Variants in CDH13 observed in about 807,000 individuals in gnomAD.
CDH13 encodes the protein cadherin 13.
CDH13 carries 24 observed loss-of-function variants against 63.8 expected under a neutral mutation model. That is an observed-to-expected ratio of 0.38 (90% CI 0.27 to 0.53). The LOEUF (loss-of-function observed/expected upper bound fraction) is 0.53, where lower values mean the gene tolerates loss of function less well. Among genes scored for constraint, CDH13 ranks in the 20% least tolerant of loss-of-function variants. The probability of loss-of-function intolerance (pLI) is 0.85; values close to 1 mark genes in which losing one functional copy is unlikely to be tolerated. For synonymous variants in CDH13, 503 were observed against 355.3 expected (o/e 1.42, Z -4.67); for missense variants, 1,049 against 903.1 (o/e 1.16, Z -2.07).
At chr16:83,398,942 T>C (rs1346786752) in intron 6 of CDH13, among the ~76,000 whole-genome samples, 3 of 152,226 alleles carry the variant, frequency 2.0e-5, no homozygotes, top group Non-Finnish European at 1.5e-5. Flanking sequence ...AATTTGGAAA[T>C]AGTCTTTATG....
chr16:83,433,799 G>T (rs547398864), intron 6 of CDH13, among the ~76,000 whole-genome samples: 53 of 152,318 alleles, frequency 3.5e-4, no homozygotes, highest in South Asian at 1.7e-3. Context: ...CAGCAGATAA[G>T]AGTGTTTAAA....
intron 2 of CDH13, among the ~76,000 whole-genome samples, chr16:82,881,354 G>A (rs952414293): frequency 6.6e-6 from 1 of 152,114 alleles, no homozygotes; most frequent in African/African-American, 2.4e-5. Flanking sequence ...GCTGTGGGAG[G>A]GAGGGGAAGA....
rs747229793 is a variant in CDH13, at chr16:83,054,801, AAG to A, written c.366+22586_366+22587del. Among the ~76,000 whole-genome samples, 9 of 152,314 alleles carry A rather than the reference AAG, an allele frequency of 5.9e-5. No homozygotes were observed. The East Asian group carries it at 7.7e-4, about 13-fold the overall frequency. Reference sequence around the variant, plus strand: ...TATAACAAGTAGTCTAAATATAAAAAAGAGTAATAAAAATTTCACTAAAATCT... The same window carrying A: ...TATAACAAGTAGTCTAAATATAAAAAAGTAATAAAAATTTCACTAAAATCT... On this transcript the variant is annotated intron_variant, in intron 3 of 13. Transcript: ENST00000567109.
intron 8 of CDH13, among the ~76,000 whole-genome samples, chr16:83,612,388 T>G (rs1908936620): frequency 6.6e-6 from 1 of 151,936 alleles, no homozygotes; most frequent in Admixed American, 6.6e-5. Flanking sequence ...TCTTTCTGAC[T>G]TTCTGTAATC....
At chr16:83,187,676 A>G (rs989453868) in intron 4 of CDH13, among the ~76,000 whole-genome samples, 10 of 152,188 alleles carry the variant, frequency 6.6e-5, no homozygotes, top group Non-Finnish European at 1.2e-4. Context: ...CTCCAGCTAC[A>G]TGATGAGGAC....
intron 5 of CDH13, among the ~76,000 whole-genome samples, chr16:83,294,186 T>TA (rs2089533047): frequency 6.6e-6 from 1 of 152,248 alleles, no homozygotes; most frequent in Non-Finnish European, 1.5e-5. Context: ...GTGGAATGAT[T>TA]AAATCTAGCT....
chr16:82,837,535 G>A (rs1210263651), intron 1 of CDH13, among the ~76,000 whole-genome samples: 1 of 152,134 alleles, frequency 6.6e-6, no homozygotes, highest in Non-Finnish European at 1.5e-5. Context: ...TATACAAAAT[G>A]AAATCAGCAA....
chr16:83,240,111 G>A lies in CDH13; in HGVS notation c.636+22614G>A, dbSNP rs62040370. Among the ~76,000 whole-genome samples, 571 of 152,256 alleles carry A rather than the reference G, an allele frequency of 3.8e-3. 4 individuals carry two copies. The highest frequency in any genetic ancestry group is 6.0e-3 in the Non-Finnish European group (411 of 68,030). ...GGCCCCAGAGTCTGACAAGCTCAAG[G>A]CAAATCCTATGGAAAGATTTTTTTC... On this transcript the variant is annotated intron_variant, in intron 5 of 13. Transcript: ENST00000567109.
chr16:83,557,860 G>C (rs189544328), intron 7 of CDH13, among the ~76,000 whole-genome samples: 1 of 152,090 alleles, frequency 6.6e-6, no homozygotes, highest in Non-Finnish European at 1.5e-5. Context: ...CACATGCTTC[G>C]ATCATTTTGA....
chr16:83,462,116 C>T (rs146382296), intron 6 of CDH13, among the ~76,000 whole-genome samples: 38 of 152,326 alleles, frequency 2.5e-4, no homozygotes, highest in African/African-American at 7.9e-4. Context: ...AAACATGGGG[C>T]AGTGCATGAC....
chr16:82,829,038 A>C (rs1282619952), intron 1 of CDH13, among the ~76,000 whole-genome samples: 3 of 152,144 alleles, frequency 2.0e-5, no homozygotes, highest in Admixed American at 1.3e-4. Context: ...AGGTGGACAC[A>C]TGGAATTCAT....
At chr16:82,794,754 T>G (rs891672997) in intron 1 of CDH13, among the ~76,000 whole-genome samples, 1 of 152,248 alleles carries the variant, frequency 6.6e-6, no homozygotes, top group African/African-American at 2.4e-5. Flanking sequence ...CAGTTTGAGC[T>G]GTTATAATGT....
At chr16:83,698,640 C>G (rs1196867849) in intron 10 of CDH13, among the ~76,000 whole-genome samples, 1 of 152,368 alleles carries the variant, frequency 6.6e-6, no homozygotes, top group South Asian at 2.1e-4. Context: ...TTAGCCCTAA[C>G]TGATCTTATG....
chr16:82,751,748 C>G (rs912113875), intron 1 of CDH13, among the ~76,000 whole-genome samples: 3 of 151,386 alleles, frequency 2.0e-5, no homozygotes, highest in African/African-American at 7.3e-5. Flanking sequence ...GACAAGAGAT[C>G]GCACGTTTTC....
At chr16:83,319,712 A>G (rs149790725) in intron 5 of CDH13, among the ~76,000 whole-genome samples, 2 of 152,248 alleles carry the variant, frequency 1.3e-5, no homozygotes, top group East Asian at 3.9e-4. Flanking sequence ...ACGGAGAAGG[A>G]AAAAAATATG....
At chr16:83,112,940 A>G (rs2035130649) in intron 3 of CDH13, among the ~76,000 whole-genome samples, 1 of 152,204 alleles carries the variant, frequency 6.6e-6, no homozygotes, top group Admixed American at 6.5e-5. Flanking sequence ...CTTATAAAGG[A>G]GGAAAACATG....
intron 3 of CDH13, among the ~76,000 whole-genome samples, chr16:83,097,691 G>C (rs2034276564): frequency 6.6e-6 from 1 of 152,176 alleles, no homozygotes; most frequent in African/African-American, 2.4e-5. Flanking sequence ...AGGTAAGACA[G>C]ATGCTATATA....
At chr16:83,089,823 G>A (rs531594746) in intron 3 of CDH13, among the ~76,000 whole-genome samples, 17 of 152,250 alleles carry the variant, frequency 1.1e-4, no homozygotes, top group East Asian at 3.9e-4. Context: ...AGATTTTCAC[G>A]TGCATACAGA....
intron 1 of CDH13, among the ~76,000 whole-genome samples, chr16:82,727,977 A>C (rs902345541): frequency 6.6e-6 from 1 of 152,098 alleles, no homozygotes; most frequent in Non-Finnish European, 1.5e-5. Context: ...AAAAGTTAGA[A>C]TCTTCCCTTC....
Sources: allele counts gnomAD v4.1 joint callset (sites outside exome capture counted in the v4.1 genomes callset), GRCh38; gene constraint gnomAD v4.1.1; transcripts MANE v1.5; gene names NCBI Gene and HGNC (gene_info 2026-07-23, HGNC 2026-07-21).